Variants in RELN observed in about 807,000 individuals in gnomAD.
RELN encodes the protein reelin.
A neutral mutation model predicts 427.6 loss-of-function variants in RELN; 108 were observed. The observed-to-expected ratio is 0.25, with a 90% confidence interval of 0.22 to 0.30. RELN has a LOEUF of 0.30. Ranked by LOEUF, RELN falls within the 10% of genes least tolerant of loss-of-function variation. The pLI, the probability that RELN is intolerant of heterozygous loss-of-function variation, is 1.00. For synonymous variants in RELN, 1,524 were observed against 1,513.4 expected (o/e 1.01, Z -0.16); for missense variants, 3,715 against 4,302.8 (o/e 0.86, Z 3.82).
At chr7:103,688,315 G>A (rs962138162) in intron 10 of RELN, among the ~76,000 whole-genome samples, 2 of 152,076 alleles carry the variant, frequency 1.3e-5, no homozygotes, top group African/African-American at 4.8e-5. Flanking sequence ...ATAGTTTCCA[G>A]TAAAGTGATA....
chr7:103,547,502 G>A (rs1184044119), intron 41 of RELN, among the ~76,000 whole-genome samples: 1 of 152,098 alleles, frequency 6.6e-6, no homozygotes, highest in African/African-American at 2.4e-5. Context: ...TCATCATGTT[G>A]GCCAGGCTGC....
chr7:103,595,600 T>C (rs984006807), intron 25 of RELN, among the ~76,000 whole-genome samples: 1 of 152,122 alleles, frequency 6.6e-6, no homozygotes, highest in African/African-American at 2.4e-5. Context: ...GTTTATATAG[T>C]CTTAAATAAT....
chr7:103,745,964 T>C (rs1383879048), intron 6 of RELN, among the ~76,000 whole-genome samples: 1 of 152,118 alleles, frequency 6.6e-6, no homozygotes, highest in Non-Finnish European at 1.5e-5. Flanking sequence ...GCCAAGTCAA[T>C]CCTAAGCCAA....
At chr7:103,950,915 G>A (rs1263550255) in intron 1 of RELN, among the ~76,000 whole-genome samples, 1 of 152,174 alleles carries the variant, frequency 6.6e-6, no homozygotes, top group East Asian at 1.9e-4. Context: ...CATGATTGCA[G>A]CTGTTTTTTG....
At chr7:103,891,828 C>T (rs1279250793) in intron 2 of RELN, among the ~76,000 whole-genome samples, 2 of 152,146 alleles carry the variant, frequency 1.3e-5, no homozygotes, top group Non-Finnish European at 2.9e-5. Context: ...TCCTAATACC[C>T]TCAAGCCTCA....
At chr7:103,504,975 G>A (rs1829158840) in intron 51 of RELN, among the ~76,000 whole-genome samples, 1 of 152,168 alleles carries the variant, frequency 6.6e-6, no homozygotes, top group African/African-American at 2.4e-5. Flanking sequence ...GTTTGAAATG[G>A]GTGGAGCCCG....
At chr7:103,737,135 T>C (rs925621516) in intron 6 of RELN, among the ~76,000 whole-genome samples, 1 of 152,074 alleles carries the variant, frequency 6.6e-6, no homozygotes, top group Non-Finnish European at 1.5e-5. Flanking sequence ...AACCTGAAAA[T>C]GCACAGATAT....
chr7:103,717,961 A>G (rs1363119019), intron 8 of RELN, among the ~76,000 whole-genome samples: 3 of 152,174 alleles, frequency 2.0e-5, no homozygotes, highest in Non-Finnish European at 4.4e-5. Context: ...GATGTTTATG[A>G]ATTAGGCTCA....
intron 17 of RELN, among the ~76,000 whole-genome samples, chr7:103,637,748 T>A (rs937162704): frequency 2.0e-5 from 3 of 152,174 alleles, no homozygotes; most frequent in Non-Finnish European, 4.4e-5. Context: ...CCAAGTTGTT[T>A]CCAAAAAAGA....
intron 2 of RELN, among the ~76,000 whole-genome samples, chr7:103,860,150 T>G (rs936719430): frequency 3.3e-5 from 5 of 152,198 alleles, no homozygotes; most frequent in Admixed American, 1.3e-4. Flanking sequence ...CCCAGATGTT[T>G]CTATCAATAG....
chr7:103,940,006 A>G (rs1031795801), intron 1 of RELN, among the ~76,000 whole-genome samples: 6 of 152,200 alleles, frequency 3.9e-5, no homozygotes, highest in African/African-American at 1.2e-4. Flanking sequence ...CAATCTGTAC[A>G]TGTATATTAT....
At chr7:103,474,619 C>T (rs560625952) in intron 64 of RELN, among the ~76,000 whole-genome samples, 2 of 152,022 alleles carry the variant, frequency 1.3e-5, no homozygotes, top group East Asian at 1.9e-4. Flanking sequence ...ACAAAAAAAC[C>T]CCCAAGGAAT....
chr7:103,523,572 A>G (rs1344133691), intron 46 of RELN, 41 bp from the exon 47 acceptor site: 5 of 1,611,290 alleles, frequency 3.1e-6, no homozygotes. Flanking sequence ...ATGCTGTGGA[A>G]AAGAAAATGT....
chr7:103,665,109 T>C (rs1833231220), intron 11 of RELN, among the ~76,000 whole-genome samples: 1 of 152,124 alleles, frequency 6.6e-6, no homozygotes, highest in African/African-American at 2.4e-5. Flanking sequence ...CTGAAATTGA[T>C]TTGAGGTAAG....
At chr7:103,962,978 T>C (rs1244102563) in intron 1 of RELN, among the ~76,000 whole-genome samples, 1 of 151,906 alleles carries the variant, frequency 6.6e-6, no homozygotes, top group Non-Finnish European at 1.5e-5. Flanking sequence ...TGGGGAAAGG[T>C]TGAGAAAACG....
intron 2 of RELN, among the ~76,000 whole-genome samples, chr7:103,873,420 G>A (rs1261417753): frequency 7.9e-6 from 1 of 126,846 alleles, no homozygotes; most frequent in Non-Finnish European, 1.7e-5. Flanking sequence ...TCCAGGAGCT[G>A]GTTTTTTGAA....
intron 60 of RELN, among the ~76,000 whole-genome samples, chr7:103,487,458 T>TGAA (rs1554361592): frequency 7.8e-6 from 1 of 128,104 alleles, no homozygotes; most frequent in South Asian, 2.5e-4. Context: ...GTTGTTACAG[T>TGAA]AAAAAAAAAA....
At chr7:103,651,409 A>T (rs1327238150) in intron 15 of RELN, among the ~76,000 whole-genome samples, 2 of 152,108 alleles carry the variant, frequency 1.3e-5, no homozygotes, top group East Asian at 3.9e-4. Context: ...GCCATATAGA[A>T]TTTAAGTTCA....
intron 53 of RELN, 130 bp downstream of exon 53, chr7:103,500,615 T>G: frequency 1.2e-6 from 1 of 826,692 alleles, no homozygotes; most frequent in East Asian, 2.5e-5. Context: ...TTTTAAAGTT[T>G]CTATTCAAAG....
Sources: gnomAD v4.1 joint callset for allele counts (sites outside exome capture counted in the v4.1 genomes callset) on GRCh38, gnomAD v4.1.1 for gene constraint, MANE v1.5 for transcripts, NCBI Gene and HGNC (gene_info 2026-07-23, HGNC 2026-07-21) for gene names.